MEI4: variants seen among roughly 807,000 people sequenced by gnomAD.
MEI4 encodes meiosis-specific protein MEI4.
In MEI4, 27 loss-of-function variants were observed where a neutral mutation model predicts 31.4. The observed-to-expected ratio is 0.86, with a 90% CI of 0.63 to 1.19. The LOEUF is 1.19. MEI4 is among the 50% of genes most tolerant of loss of function. The pLI, the probability that MEI4 is intolerant of heterozygous loss-of-function variation, is 0.00. For missense variants in MEI4, 329 were observed against 398.9 expected (o/e 0.82, Z 1.49); for synonymous variants, 122 against 145.4 (o/e 0.84, Z 1.16).
At chr6:77,736,993 A>T (rs1017405557) in intron 2 of MEI4, among the ~76,000 whole-genome samples, 1 of 152,212 alleles carries the variant, frequency 6.6e-6, no homozygotes, top group East Asian at 1.9e-4. Context: ...CAAATGATGT[A>T]ATATGATAGT....
At chr6:77,734,749 G>T (rs538495425) in intron 2 of MEI4, among the ~76,000 whole-genome samples, 87 of 151,906 alleles carry the variant, frequency 5.7e-4, no homozygotes, top group Non-Finnish European at 5.1e-4. Context: ...TTACCTTTTG[G>T]CATGATTTTG....
chr6:77,695,545 G>C (rs553748170), intron 2 of MEI4, among the ~76,000 whole-genome samples: 6 of 152,080 alleles, frequency 3.9e-5, no homozygotes, highest in South Asian at 4.1e-4. Context: ...GCTTGTTTTT[G>C]TCAGGTTTGT....
chr6:77,920,802 G>A (rs1766685700), intron 4 of MEI4, among the ~76,000 whole-genome samples: 1 of 151,892 alleles, frequency 6.6e-6, no homozygotes, highest in Admixed American at 6.6e-5. Context: ...ATGATCAGGT[G>A]TGTTGTCAAT....
chr6:77,866,807 C>T (rs1490777672), intron 4 of MEI4, among the ~76,000 whole-genome samples: 1 of 152,208 alleles, frequency 6.6e-6, no homozygotes, highest in Non-Finnish European at 1.5e-5. Context: ...CATCACGCTA[C>T]CTGACTTCAA....
intron 3 of MEI4, among the ~76,000 whole-genome samples, chr6:77,803,259 C>G (rs1002327969): frequency 5.3e-5 from 8 of 152,170 alleles, no homozygotes; most frequent in African/African-American, 9.7e-5. Context: ...TCCAGTTGAT[C>G]AAATCGGCTA....
chr6:77,848,540 A>C (rs1223805085), intron 4 of MEI4, among the ~76,000 whole-genome samples: 1 of 152,186 alleles, frequency 6.6e-6, no homozygotes, highest in Admixed American at 6.6e-5. Flanking sequence ...AAAAAAGAGC[A>C]GTATGAGGAT....
intron 4 of MEI4, among the ~76,000 whole-genome samples, chr6:77,861,691 TC>T (rs1210924422): frequency 6.6e-6 from 1 of 152,204 alleles, no homozygotes; most frequent in Non-Finnish European, 1.5e-5. Flanking sequence ...GAGTTCAAAA[TC>T]TGCTTCAGGC....
chr6:77,712,753 C>T (rs1473143292), intron 2 of MEI4, among the ~76,000 whole-genome samples: 2 of 151,928 alleles, frequency 1.3e-5, no homozygotes, highest in South Asian at 2.1e-4. Context: ...AGGTGGATCA[C>T]GAGGTCAGGA....
chr6:77,722,421 A>G (rs1766730779), intron 2 of MEI4, among the ~76,000 whole-genome samples: 1 of 151,578 alleles, frequency 6.6e-6, no homozygotes, highest in Admixed American at 6.6e-5. Context: ...TTCCAAGTTA[A>G]TGGTATGGGT....
At chr6:77,699,807 C>T (rs1204630048) in intron 2 of MEI4, among the ~76,000 whole-genome samples, 1 of 152,188 alleles carries the variant, frequency 6.6e-6, no homozygotes, top group East Asian at 1.9e-4. Flanking sequence ...ATTCAGGACC[C>T]TCAGCTGCAG....
intron 4 of MEI4, among the ~76,000 whole-genome samples, chr6:77,867,138 C>A (rs188184425): frequency 2.2e-3 from 338 of 152,300 alleles, no homozygotes; most frequent in African/African-American, 7.4e-3. Context: ...AAAACCTAGG[C>A]ATTACCATTC....
intron 3 of MEI4, among the ~76,000 whole-genome samples, chr6:77,811,284 A>G (rs1769569540): frequency 6.6e-6 from 1 of 152,148 alleles, no homozygotes; most frequent in African/African-American, 2.4e-5. Flanking sequence ...AACGCCAATA[A>G]TTTTGTAAAA....
At chr6:77,792,319 T>C (rs1768958361) in intron 3 of MEI4, among the ~76,000 whole-genome samples, 1 of 152,204 alleles carries the variant, frequency 6.6e-6, no homozygotes, top group Non-Finnish European at 1.5e-5. Context: ...TTCCCAGGTG[T>C]GGGATGTCTG....
intron 1 of MEI4, among the ~76,000 whole-genome samples, chr6:77,683,570 C>A (rs1041875690): frequency 2.0e-5 from 3 of 151,074 alleles, no homozygotes; most frequent in Admixed American, 6.6e-5. Context: ...CTCTGGCCCC[C>A]ACCCTTGGAA....
chr6:77,765,509 G>A (rs1420457011), intron 3 of MEI4, among the ~76,000 whole-genome samples: 9 of 151,256 alleles, frequency 6.0e-5, no homozygotes, highest in Non-Finnish European at 1.2e-4. Flanking sequence ...TTGGTGTGCT[G>A]CACCCATTAA....
At chr6:77,919,089 C>T (rs1766638012) in intron 4 of MEI4, among the ~76,000 whole-genome samples, 1 of 151,912 alleles carries the variant, frequency 6.6e-6, no homozygotes, top group Admixed American at 6.6e-5. Flanking sequence ...GACAGATCAA[C>T]AAGACAGAAA....
intron 3 of MEI4, among the ~76,000 whole-genome samples, chr6:77,802,057 G>T (rs1228895337): frequency 6.6e-6 from 1 of 152,116 alleles, no homozygotes; most frequent in Admixed American, 6.6e-5. Flanking sequence ...TCTGTCTAAT[G>T]TTGACAGTGG....
chr6:77,712,708 A>G (rs1766493700), intron 2 of MEI4, among the ~76,000 whole-genome samples: 1 of 152,166 alleles, frequency 6.6e-6, no homozygotes, highest in Non-Finnish European at 1.5e-5. Flanking sequence ...GCGGTGGCTC[A>G]TGCCTGTAAT....
At chr6:77,767,896 A>T (rs1425510401) in intron 3 of MEI4, among the ~76,000 whole-genome samples, 1 of 151,322 alleles carries the variant, frequency 6.6e-6, no homozygotes, top group Non-Finnish European at 1.5e-5. Context: ...CATGCAGAGG[A>T]AGGAGGAAGA....
Sources: gnomAD v4.1 joint callset for allele counts (sites outside exome capture counted in the v4.1 genomes callset) on GRCh38, gnomAD v4.1.1 for gene constraint, MANE v1.5 for transcripts, NCBI Gene and HGNC (gene_info 2026-07-23, HGNC 2026-07-21) for gene names.